Variants in CDK5RAP2 observed in about 807,000 individuals in gnomAD.
CDK5RAP2 encodes CDK5 regulatory subunit-associated protein 2.
Under a neutral mutation model 232.9 loss-of-function variants are expected in CDK5RAP2, and 147 were observed. That is an observed-to-expected ratio of 0.63 (90% CI 0.55 to 0.72). CDK5RAP2 has a LOEUF of 0.72. Ranked by LOEUF, CDK5RAP2 falls within the 30% of genes least tolerant of loss-of-function variation. The pLI is 0.00. For missense variants in CDK5RAP2, 2,195 were observed against 2,231.5 expected, an observed-to-expected ratio of 0.98 and a Z score of 0.33; for synonymous variants, 833 against 833.7, an observed-to-expected ratio of 1.00 and a Z score of 0.01.
At chr9:120,473,321 C>T (rs2037823513) in intron 15 of CDK5RAP2, among the ~76,000 whole-genome samples, 1 of 152,168 alleles carries the variant, frequency 6.6e-6, no homozygotes, top group South Asian at 2.1e-4. Flanking sequence ...TCCATCAATG[C>T]CATGAAATTA....
chr9:120,541,681 G>A lies in CDK5RAP2; in HGVS notation c.384-2517C>T, dbSNP rs1028406581. Among the ~76,000 whole-genome samples, 6 of 152,178 alleles carry A rather than the reference G, an allele frequency of 3.9e-5. No individual in the cohort carries two copies. In the South Asian group the frequency reaches 8.3e-4, roughly 21 times the overall value. On this transcript the variant is annotated intron_variant, in intron 5 of 37. Coordinates refer to ENST00000349780, the MANE Select transcript of CDK5RAP2 (RefSeq NM_018249.6). Reference sequence around the variant, plus strand: ...AGCACACTCTGGAGGCAGAGCGGCCGCTACACGTTTCCCCACTCCTCGAAC... The same window carrying A: ...AGCACACTCTGGAGGCAGAGCGGCCACTACACGTTTCCCCACTCCTCGAAC...
intron 8 of CDK5RAP2, among the ~76,000 whole-genome samples, chr9:120,529,157 C>T (rs7037422): frequency 0.96 from 145,949 of 152,328 alleles, 70,215 homozygotes; most frequent in East Asian, 1. Flanking sequence ...CTGGCAAGGC[C>T]ACAGCATCCA....
rs774730408 is a variant in CDK5RAP2, at chr9:120,528,765, G to A, written c.858C>T (p.Asn286=). The A allele has an allele frequency of 3.1e-6, 5 of 1,609,062 alleles. No homozygotes were observed. Among genetic ancestry groups the A allele is most frequent in the Non-Finnish European group, 4.3e-6 (5 of 1,175,328 alleles). ...AAQMEHQKER[N]SFEERIQALE... ...ATACCTGGATCCTCTCTTCAAAGCT[G>A]TTTCTCTCCTTCTGATGCTCCATTT... Residue 286 remains asparagine (N), a synonymous_variant, in exon 9 of 38, where the codon AAC becomes AAT. Coordinates refer to ENST00000349780, the MANE Select transcript of CDK5RAP2 (RefSeq NM_018249.6).
chr9:120,452,936 T>A (rs1302639728), intron 21 of CDK5RAP2, among the ~76,000 whole-genome samples: 1 of 152,064 alleles, frequency 6.6e-6, no homozygotes, highest in Admixed American at 6.6e-5. Context: ...ATAATACCTC[T>A]CCTACACAAA....
In CDK5RAP2 at chr9:120,393,074, C is replaced by A. The variant is rs569595766; in HGVS notation, c.5578+1438G>T. Among the ~76,000 whole-genome samples, 284 of 152,318 alleles carry A rather than the reference C, an allele frequency of 1.9e-3. 1 individual carries two copies. Among genetic ancestry groups the A allele is most frequent in the African/African-American group, 6.5e-3 (270 of 41,554 alleles). On this transcript the variant is annotated intron_variant, in intron 36 of 37. Coordinates refer to ENST00000349780, the MANE Select transcript of CDK5RAP2 (RefSeq NM_018249.6). ...TCCCTGAGCACTCAGTTCTCTCTCA[C>A]CCCTGGGAGCACACCAGCAAGTCCA...
chr9:120,436,577 C>T (rs1175085600), intron 25 of CDK5RAP2, among the ~76,000 whole-genome samples: 1 of 152,138 alleles, frequency 6.6e-6, no homozygotes, highest in African/African-American at 2.4e-5. Flanking sequence ...TTTCCTTGGT[C>T]TGAGGAACCA....
At chr9:120,547,272 G>T (rs553845952) in intron 4 of CDK5RAP2, among the ~76,000 whole-genome samples, 11 of 152,076 alleles carry the variant, frequency 7.2e-5, no homozygotes, top group Non-Finnish European at 1.5e-4. Context: ...TTACAGGCGT[G>T]AGCCACCGCA....
In CDK5RAP2 at chr9:120,580,108, G is replaced by A. The variant is rs1564401039; in HGVS notation, c.-130C>T. ...CAGCTCTTGTTCAGACTCTGGCGGCGCCGCTGGAATTCAAACCACAGACGC... is the reference window on the plus strand; with the variant it reads ...CAGCTCTTGTTCAGACTCTGGCGGCACCGCTGGAATTCAAACCACAGACGC... On this transcript the variant is annotated 5_prime_UTR_variant, in exon 1 of 38. Transcript: ENST00000349780. 8.4e-6 allele frequency: 5 copies of A among 596,658 alleles called. No homozygotes were observed. Among genetic ancestry groups the A allele is most frequent in the Admixed American group, 6.2e-5 (2 of 32,154 alleles). The allele number at this position is 596,658 out of a possible 1,614,324, so 37.0% of individuals were successfully genotyped here.
intron 25 of CDK5RAP2, among the ~76,000 whole-genome samples, chr9:120,434,391 G>A (rs967303713): frequency 6.6e-6 from 1 of 152,040 alleles, no homozygotes; most frequent in African/African-American, 2.4e-5. Context: ...GATGGTACAG[G>A]GCTTTGCAGG....
chr9:120,472,121 TAA>T (rs1316180909), intron 15 of CDK5RAP2, among the ~76,000 whole-genome samples: 16 of 152,236 alleles, frequency 1.1e-4, no homozygotes, highest in Non-Finnish European at 2.9e-5. Flanking sequence ...CCCCTATGCG[TAA>T]TTTACATGGC....
intron 3 of CDK5RAP2, among the ~76,000 whole-genome samples, chr9:120,551,452 A>T (rs896800667): frequency 6.6e-6 from 1 of 152,222 alleles, no homozygotes; most frequent in Non-Finnish European, 1.5e-5. Flanking sequence ...GACCAAAAAA[A>T]TTCATCTCTT....
intron 14 of CDK5RAP2, among the ~76,000 whole-genome samples, chr9:120,486,812 A>G (rs2038632448): frequency 6.6e-6 from 1 of 152,214 alleles, no homozygotes; most frequent in Non-Finnish European, 1.5e-5. Context: ...GGAGGGAAAA[A>G]TCAGTCCAGG....
chr9:120,446,127 T>C (rs2036173588), intron 22 of CDK5RAP2, among the ~76,000 whole-genome samples: 1 of 152,216 alleles, frequency 6.6e-6, no homozygotes, highest in Non-Finnish European at 1.5e-5. Flanking sequence ...TACTCAATTC[T>C]GCCATCAAAG....
At chr9:120,520,760 G>A (rs1424292164) in intron 11 of CDK5RAP2, among the ~76,000 whole-genome samples, 23 of 119,496 alleles carry the variant, frequency 1.9e-4, no homozygotes, top group Non-Finnish European at 3.3e-4. Context: ...CATATCTCAT[G>A]AGATATATCT....
chr9:120,487,185 C>A, intron 14 of CDK5RAP2, 109 bp downstream of exon 14: 1 of 1,214,820 alleles, frequency 8.2e-7, no homozygotes, highest in Non-Finnish European at 1.2e-6. Flanking sequence ...GGCTCAGTTA[C>A]CAACAAGAAG....
intron 3 of CDK5RAP2, among the ~76,000 whole-genome samples, chr9:120,555,639 T>G (rs182214637): frequency 2.7e-4 from 41 of 152,362 alleles, no homozygotes; most frequent in African/African-American, 9.4e-4. Flanking sequence ...ACTCTAGATA[T>G]AGTTTGGCAA....
intron 30 of CDK5RAP2, 22 bp from the exon 31 acceptor site, chr9:120,408,490 GAGA>G (rs2033633841): frequency 6.2e-7 from 1 of 1,613,890 alleles, no homozygotes; most frequent in African/African-American, 1.3e-5. Flanking sequence ...CCACAGGCAT[GAGA>G]AGGACAGGTT....
intron 12 of CDK5RAP2, among the ~76,000 whole-genome samples, chr9:120,513,407 T>C (rs2040183842): frequency 6.6e-6 from 1 of 152,092 alleles, no homozygotes; most frequent in African/African-American, 2.4e-5. Flanking sequence ...CCAAACTGCA[T>C]CCAAGGCTCT....
chr9:120,434,437 A>C (rs1225041024), intron 25 of CDK5RAP2, among the ~76,000 whole-genome samples: 1 of 152,060 alleles, frequency 6.6e-6, no homozygotes, highest in East Asian at 1.9e-4. Flanking sequence ...TGAAAAGGAA[A>C]GGCTTTGATT....
Sources: gnomAD v4.1 joint callset for allele counts (sites outside exome capture counted in the v4.1 genomes callset) on GRCh38, gnomAD v4.1.1 for gene constraint, MANE v1.5 for transcripts, NCBI Gene and HGNC (gene_info 2026-07-23, HGNC 2026-07-21) for gene names.